The following TENM4 variants were observed in gnomAD, a reference collection of about 807,000 sequenced individuals.
TENM4 encodes the protein teneurin transmembrane protein 4, also known as teneurin-4.
TENM4 carries 82 observed loss-of-function variants against 243.3 expected under a neutral mutation model. The observed-to-expected ratio is 0.34, with a 90% CI of 0.28 to 0.40. The LOEUF (loss-of-function observed/expected upper bound fraction) is 0.40. Ranked by LOEUF, TENM4 falls within the 10% of genes least tolerant of loss-of-function variation. The pLI is 1.00. For synonymous variants in TENM4, 1,412 were observed against 1,456.3 expected (o/e 0.97, Z 0.69); for missense variants, 3,138 against 3,673.3 (o/e 0.85, Z 3.77).
At chr11:79,017,162 G>T (rs1038758354) in intron 6 of TENM4, among the ~76,000 whole-genome samples, 25 of 152,220 alleles carry the variant, frequency 1.6e-4, no homozygotes, top group African/African-American at 5.3e-4. Context: ...GCCCACCTTT[G>T]GTGGGTCAAT....
intron 11 of TENM4, among the ~76,000 whole-genome samples, chr11:78,854,968 T>C (rs773357064): frequency 1.8e-4 from 27 of 152,150 alleles, no homozygotes; most frequent in Non-Finnish European, 3.4e-4. Context: ...TGTGTGAGAC[T>C]CCAGAAAAGT....
chr11:78,788,353 G>C (rs1856982373), intron 15 of TENM4, among the ~76,000 whole-genome samples: 2 of 152,230 alleles, frequency 1.3e-5, no homozygotes, highest in South Asian at 2.1e-4. Flanking sequence ...TACCTCAAAA[G>C]GGAGGTACTT....
chr11:78,869,661 C>T (rs1859074842), intron 9 of TENM4, among the ~76,000 whole-genome samples: 1 of 152,096 alleles, frequency 6.6e-6, no homozygotes, highest in African/African-American at 2.4e-5. Context: ...CAGAAAGGCT[C>T]CTCAGCTGGC....
intron 25 of TENM4, among the ~76,000 whole-genome samples, chr11:78,718,249 T>C (rs990198758): frequency 3.0e-4 from 46 of 152,234 alleles, no homozygotes; most frequent in Non-Finnish European, 5.4e-4. Flanking sequence ...CTCTCTGTCT[T>C]CTGGTTGTCT....
chr11:79,179,463 G>T (rs968060844), intron 3 of TENM4, among the ~76,000 whole-genome samples: 4 of 152,146 alleles, frequency 2.6e-5, no homozygotes, highest in Non-Finnish European at 5.9e-5. Context: ...TACAGAAAAA[G>T]TTTGCTAATA....
At chr11:79,437,444 C>T (rs1001174911) in intron 1 of TENM4, among the ~76,000 whole-genome samples, 4 of 151,998 alleles carry the variant, frequency 2.6e-5, no homozygotes, top group African/African-American at 9.7e-5. Context: ...CTGCACTGTG[C>T]CGCGCGGCGC....
At chr11:78,910,911 C>T (rs1856170555) in intron 6 of TENM4, among the ~76,000 whole-genome samples, 2 of 152,144 alleles carry the variant, frequency 1.3e-5, no homozygotes, top group Non-Finnish European at 2.9e-5. Context: ...AAGGAAGGGC[C>T]CACAGAGGAC....
chr11:79,079,891 T>A lies in TENM4; in HGVS notation c.-65-9882A>T, dbSNP rs138183997. Among the ~76,000 whole-genome samples the A allele has an allele frequency of 6.2e-3, 909 of 147,750 alleles. 7 individuals are homozygous for A. The highest frequency in any genetic ancestry group is 0.022 in the African/African-American group (866 of 39,958). ...TTCGGATTGAAAACAACATCAAAGG[T>A]CAGCTGATTCAAGCCCCATCAGGTG... is the stretch of plus-strand genomic sequence containing the variant. On this transcript the variant is annotated intron_variant, in intron 4 of 33. Transcript: ENST00000278550.
intron 1 of TENM4, among the ~76,000 whole-genome samples, chr11:79,422,752 G>T (rs913908775): frequency 2.6e-5 from 4 of 152,180 alleles, no homozygotes; most frequent in Non-Finnish European, 2.9e-5. Flanking sequence ...AGAACAGAGG[G>T]AGGGAGGGTC....
At position 78,824,862 on chromosome 11, in the gene TENM4, A is replaced by C. The variant is rs373542083; in HGVS notation, c.1682-10467T>G. Among the ~76,000 whole-genome samples, 58 of 152,310 alleles carry C rather than the reference A, an allele frequency of 3.8e-4. 1 individual carries two copies. In the South Asian group the frequency reaches 4.1e-3, roughly 11 times the overall value. On this transcript the variant is annotated intron_variant, in intron 12 of 33. Coordinates refer to ENST00000278550, the MANE Select transcript of TENM4 (RefSeq NM_001098816.3). ...CTAAACTATATCACATGCTGATCCC[A>C]TTCCTTTTGCCTGTAGATTAGTCAA...
intron 6 of TENM4, among the ~76,000 whole-genome samples, chr11:78,997,222 A>G (rs1858198191): frequency 1.3e-5 from 2 of 152,234 alleles, no homozygotes; most frequent in Non-Finnish European, 2.9e-5. Context: ...AAGTGGCCCT[A>G]AAATTCAGAG....
At chr11:79,144,796 C>T (rs1383098842) in intron 4 of TENM4, among the ~76,000 whole-genome samples, 1 of 151,806 alleles carries the variant, frequency 6.6e-6, no homozygotes. Flanking sequence ...GGGTAGTGAG[C>T]ATGGGGAAGT....
chr11:78,838,003 T>C (rs915914329), intron 12 of TENM4, among the ~76,000 whole-genome samples: 1 of 152,154 alleles, frequency 6.6e-6, no homozygotes, highest in Non-Finnish European at 1.5e-5. Context: ...AAATGCCAAA[T>C]TGCTTTCCCA....
chr11:79,143,039 AG>A (rs1862320441), intron 4 of TENM4, among the ~76,000 whole-genome samples: 1 of 152,138 alleles, frequency 6.6e-6, no homozygotes, highest in Non-Finnish European at 1.5e-5. Context: ...TGTGCTGGAG[AG>A]GATGTGGAGA....
chr11:78,657,079 C>T lies in TENM4; in HGVS notation c.*979G>A. ...AGGCAGGCTGGTGCCCTCGCCACCA[C>T]TGCCATGCCTTTGCCATGGGTGGCC... is the stretch of plus-strand genomic sequence containing the variant. On this transcript the variant is annotated 3_prime_UTR_variant, in exon 34 of 34. Transcript: ENST00000278550. 2.5e-6 allele frequency: 1 copy of T among 398,692 alleles called. No homozygotes were observed. Among genetic ancestry groups the T allele is most frequent in the South Asian group, 1.3e-4 (1 of 7,860 alleles). The allele number at this position is 398,692 out of a possible 1,614,324, so 24.7% of individuals were successfully genotyped here. A position where few individuals can be genotyped will look rare whatever the true frequency, so the allele number is the denominator to read the frequency against.
chr11:78,663,125 C>T (rs1415267687), intron 32 of TENM4, among the ~76,000 whole-genome samples: 2 of 152,186 alleles, frequency 1.3e-5, no homozygotes, highest in Admixed American at 6.5e-5. Flanking sequence ...GGGAGACAGA[C>T]AGACAGACAG....
Position 78,805,476 on chromosome 11 carries a change from G to A in TENM4, c.1995C>T (p.Pro665=), listed in dbSNP as rs767253553. 2 of 1,582,422 alleles carry A rather than the reference G, an allele frequency of 1.3e-6. No individual in the cohort carries two copies. The highest frequency in any genetic ancestry group is 8.6e-7 in the Non-Finnish European group (1 of 1,163,820). The change falls in exon 15 of 34, where the codon CCC becomes CCT. Residue 665 remains proline (P), a synonymous_variant. Coordinates refer to ENST00000278550, the MANE Select transcript of TENM4 (RefSeq NM_001098816.3). ...ESCEEVDCMD[P]TCSGRGVCVR... is the part of the protein sequence containing the mutation. ...CGCAGACACCCCGGCCTGAACATGTGGGGTCCATGCAGTCCACTGTGAGAT... is the reference window on the plus strand; with the variant it reads ...CGCAGACACCCCGGCCTGAACATGTAGGGTCCATGCAGTCCACTGTGAGAT...
intron 9 of TENM4, among the ~76,000 whole-genome samples, chr11:78,872,847 A>C (rs1295846442): frequency 6.6e-6 from 1 of 152,178 alleles, no homozygotes; most frequent in Non-Finnish European, 1.5e-5. Context: ...TTCATGATCA[A>C]AGTCAATTAG....
intron 2 of TENM4, among the ~76,000 whole-genome samples, chr11:79,252,577 G>A (rs1855630697): frequency 6.6e-6 from 1 of 152,136 alleles, no homozygotes; most frequent in Non-Finnish European, 1.5e-5. Flanking sequence ...AGAAAACTAG[G>A]GCAACTACTG....
Sources: gnomAD v4.1 joint callset for allele counts (sites outside exome capture counted in the v4.1 genomes callset) on GRCh38, gnomAD v4.1.1 for gene constraint, MANE v1.5 for transcripts, NCBI Gene and HGNC (gene_info 2026-07-23, HGNC 2026-07-21) for gene names.